Variants in SPECC1 observed in about 807,000 individuals in gnomAD.
SPECC1 encodes sperm antigen with calponin homology and coiled-coil domains 1, also known as cytospin-B.
A neutral mutation model predicts 104.1 loss-of-function variants in SPECC1; 62 were observed. The ratio of observed to expected loss-of-function variants is 0.60; its 90% CI spans 0.49 to 0.74. SPECC1 has a LOEUF of 0.74. SPECC1 is among the 30% of genes least tolerant of loss of function. SPECC1 has a pLI of 0.00. For missense variants in SPECC1, 1,306 were observed against 1,310.5 expected (o/e 1.00, Z 0.05); for synonymous variants, 513 against 501.6 (o/e 1.02, Z -0.30).
chr17:20,305,748 ATAAATCTTGCAAAGTATGAATTACC>A (rs1466944132), intron 13 of SPECC1: 1 of 360,796 alleles, frequency 2.8e-6, no homozygotes, highest in African/African-American at 2.1e-5. Context: ...TGTTTATGCC[ATAAATCTTGCAAAGTATGAATTACC>A]TAAATCTTGA....
intron 3 of SPECC1, among the ~76,000 whole-genome samples, chr17:20,151,010 T>C (rs1210883038): frequency 1.3e-5 from 2 of 152,194 alleles, no homozygotes; most frequent in Non-Finnish European, 2.9e-5. Context: ...TGAAGTTCCA[T>C]AAAAACCTTT....
intron 3 of SPECC1, among the ~76,000 whole-genome samples, chr17:20,124,431 G>A (rs1198051964): frequency 6.6e-6 from 1 of 152,154 alleles, no homozygotes; most frequent in Non-Finnish European, 1.5e-5. Context: ...GAGTTCTGAA[G>A]GGCCCTGAAG....
chr17:20,010,857 ATTAC>A (rs1293228628), intron 1 of SPECC1, among the ~76,000 whole-genome samples: 1 of 152,208 alleles, frequency 6.6e-6, no homozygotes, highest in Non-Finnish European at 1.5e-5. Context: ...TTTATGCCTA[ATTAC>A]TAAGAGTTTA....
chr17:20,025,295 T>C (rs186687162), intron 1 of SPECC1, among the ~76,000 whole-genome samples: 25 of 152,320 alleles, frequency 1.6e-4, no homozygotes, highest in Admixed American at 1.2e-3. Context: ...TCTCCAGAAC[T>C]GTGAGGAAAT....
Position 20,315,671 on chromosome 17 carries a change from G to A in SPECC1, c.*1606G>A. 3 of 232,436 alleles carry A rather than the reference G, an allele frequency of 1.3e-5. No homozygotes were observed. The highest frequency in any genetic ancestry group is 2.6e-5 in the Non-Finnish European group (3 of 117,634). The allele number at this position is 232,436 out of a possible 1,614,324, so 14.4% of individuals were successfully genotyped here. A position where few individuals can be genotyped will look rare whatever the true frequency, so the allele number is the denominator to read the frequency against. On this transcript the variant is annotated 3_prime_UTR_variant, in exon 15 of 15. Coordinates refer to ENST00000395527, the MANE Select transcript of SPECC1 (RefSeq NM_001243439.2). ...TCAGAGCCAGGTTCTAGAGGCTGCA[G>A]GTCCAGCCCCTTACCATTCCTGGAG...
intron 1 of SPECC1, among the ~76,000 whole-genome samples, chr17:20,065,841 CAGG>C (rs1460099271): frequency 6.6e-6 from 1 of 152,136 alleles, no homozygotes. Context: ...CGTGAAAGGA[CAGG>C]AGAAGTTCAG....
intron 1 of SPECC1, among the ~76,000 whole-genome samples, chr17:20,086,577 G>A (rs2047186229): frequency 6.6e-6 from 1 of 152,160 alleles, no homozygotes; most frequent in African/African-American, 2.4e-5. Context: ...TGTGGCATGT[G>A]TAGCCTGCCT....
intron 1 of SPECC1, among the ~76,000 whole-genome samples, chr17:20,092,210 C>CA (rs1352927423): frequency 2.0e-5 from 3 of 151,126 alleles, no homozygotes; most frequent in Admixed American, 2.0e-4. Context: ...CGACATCCCC[C>CA]ACCCCACCAT....
chr17:20,156,765 C>G (rs543439954), intron 3 of SPECC1, among the ~76,000 whole-genome samples: 26 of 152,302 alleles, frequency 1.7e-4, no homozygotes, highest in African/African-American at 5.3e-4. Context: ...TTCCTCAGTC[C>G]TGAGTGAGCT....
At chr17:20,084,916 G>A (rs2047118463) in intron 1 of SPECC1, among the ~76,000 whole-genome samples, 1 of 152,228 alleles carries the variant, frequency 6.6e-6, no homozygotes, top group Non-Finnish European at 1.5e-5. Flanking sequence ...TCTTTGTCTG[G>A]TGTAAGGCCT....
intron 3 of SPECC1, among the ~76,000 whole-genome samples, chr17:20,181,046 A>C (rs996908440): frequency 6.6e-6 from 1 of 152,212 alleles, no homozygotes; most frequent in Non-Finnish European, 1.5e-5. Context: ...ACTACCTTGG[A>C]GTTAAGAGCC....
chr17:20,055,080 ACTC>A, intron 1 of SPECC1, among the ~76,000 whole-genome samples: 1 of 151,644 alleles, frequency 6.6e-6, no homozygotes, highest in Middle Eastern at 3.4e-3. Context: ...TTGATTAGTA[ACTC>A]CTCGTTTCCC....
At chr17:20,173,669 A>T (rs1161141339) in intron 3 of SPECC1, among the ~76,000 whole-genome samples, 1 of 152,206 alleles carries the variant, frequency 6.6e-6, no homozygotes, top group Admixed American at 6.5e-5. Flanking sequence ...CCGTGGTGAA[A>T]TGTTGGGCAT....
At chr17:20,185,271 GGCAGC>G (rs1032495965) in intron 3 of SPECC1, 30 of 152,384 alleles carry the variant, frequency 2.0e-4, no homozygotes, top group East Asian at 1.7e-3. Context: ...CTTGAATTTG[GGCAGC>G]CCTAGAACCG....
chr17:20,201,821 C>G (rs1019957358), intron 3 of SPECC1, among the ~76,000 whole-genome samples: 1 of 152,054 alleles, frequency 6.6e-6, no homozygotes, highest in Non-Finnish European at 1.5e-5. Context: ...ACAACACTAG[C>G]TTGAACTGTG....
chr17:20,253,428 GCA>G (rs756140170), intron 9 of SPECC1, 75 bp from the exon 10 acceptor site: 114 of 1,371,068 alleles, frequency 8.3e-5, no homozygotes, highest in South Asian at 1.2e-4. Context: ...ACACACGCAT[GCA>G]CACACACACA....
chr17:20,206,427 A>G (rs1277544553), intron 4 of SPECC1, among the ~76,000 whole-genome samples: 1 of 152,188 alleles, frequency 6.6e-6, no homozygotes, highest in African/African-American at 2.4e-5. Flanking sequence ...ATGTGTGTGT[A>G]TGTGTATCAT....
intron 1 of SPECC1, chr17:20,073,712 C>A (rs1202190765): frequency 6.6e-6 from 1 of 152,074 alleles, no homozygotes; most frequent in Non-Finnish European, 1.5e-5. Flanking sequence ...GTAAGTACAT[C>A]GTTGGTTATT....
chr17:20,042,042 C>G (rs924548627), intron 1 of SPECC1, among the ~76,000 whole-genome samples: 2 of 152,166 alleles, frequency 1.3e-5, no homozygotes, highest in African/African-American at 4.8e-5. Flanking sequence ...ATCTTCCTGA[C>G]TCTTGGTATA....
Sources: allele counts gnomAD v4.1 joint callset (sites outside exome capture counted in the v4.1 genomes callset), GRCh38; gene constraint gnomAD v4.1.1; transcripts MANE v1.5; gene names NCBI Gene and HGNC (gene_info 2026-07-23, HGNC 2026-07-21).